COLQ: variants seen among roughly 807,000 people sequenced by gnomAD.
COLQ encodes collagen like tail subunit of asymmetric acetylcholinesterase, also known as acetylcholinesterase collagenic tail peptide.
In COLQ, 48 loss-of-function variants were observed where a neutral mutation model predicts 69.0. That is an observed-to-expected ratio of 0.70 (90% CI 0.55 to 0.88). The LOEUF is 0.88. COLQ is among the 40% of genes least tolerant of loss of function. The pLI is 0.00. For missense variants in COLQ, 618 were observed against 594.6 expected (o/e 1.04, Z -0.41); for synonymous variants, 217 against 211.2 (o/e 1.03, Z -0.24).
At chr3:15,464,204 GAGAA>G (rs2062163705) in intron 12 of COLQ, among the ~76,000 whole-genome samples, 1 of 152,284 alleles carries the variant, frequency 6.6e-6, no homozygotes, top group Admixed American at 6.5e-5. Context: ...CTTGTATCCT[GAGAA>G]AGAGACAGGT....
intron 3 of COLQ, among the ~76,000 whole-genome samples, chr3:15,481,154 G>T (rs1012246670): frequency 6.6e-6 from 1 of 152,182 alleles, no homozygotes; most frequent in African/African-American, 2.4e-5. Flanking sequence ...TCTGTAGGTT[G>T]CCTGTTCACT....
In COLQ at chr3:15,451,210, T is replaced by C. The variant is rs2061937114; in HGVS notation, c.*434A>G. On this transcript the variant is annotated 3_prime_UTR_variant, in exon 17 of 17. Coordinates refer to ENST00000383788, the MANE Select transcript of COLQ (RefSeq NM_005677.4). The stretch of plus-strand genomic sequence containing the variant: ...GCGGGCTGCCCAGTGTGAGTGAGAA[T>C]GCCTGCACGTTTCGGTGGTCAGGGG... 1 of 259,838 alleles carries C rather than the reference T, an allele frequency of 3.8e-6. No individual in the cohort carries two copies. Among genetic ancestry groups the C allele is most frequent in the African/African-American group, 2.2e-5 (1 of 45,558 alleles). The allele number at this position is 259,838 out of a possible 1,614,324, so 16.1% of individuals were successfully genotyped here. A position where few individuals can be genotyped will look rare whatever the true frequency, so the allele number is the denominator to read the frequency against.
intron 12 of COLQ, among the ~76,000 whole-genome samples, chr3:15,460,399 A>T (rs2062094782): frequency 6.6e-6 from 1 of 152,228 alleles, no homozygotes; most frequent in South Asian, 2.1e-4. Flanking sequence ...GGGGACTGAG[A>T]AGAGAAATAG....
chr3:15,458,300 C>T lies in COLQ; in HGVS notation c.840G>A (p.Gly280=). Residue 280 remains glycine, a synonymous_variant, in exon 13 of 17, where the codon GGG becomes GGA. Coordinates refer to ENST00000383788, the MANE Select transcript of COLQ (RefSeq NM_005677.4). The part of the protein sequence containing the change: ...PAGQLIMGPK[G]ERGFPGPPGR... ...CTGGAGGCCCGGGAAATCCTCTTTC[C>T]CCTTTGGGTCCCATTATAAGTTGTC... The T allele has an allele frequency of 1.9e-6, 3 of 1,614,128 alleles. No individual in the cohort carries two copies. Among genetic ancestry groups the T allele is most frequent in the South Asian group, 1.1e-5 (1 of 91,078 alleles).
chr3:15,504,040 C>A (rs955946345), intron 1 of COLQ, among the ~76,000 whole-genome samples: 1 of 151,730 alleles, frequency 6.6e-6, no homozygotes, highest in Non-Finnish European at 1.5e-5. Context: ...TCTGATTATC[C>A]CGACCACAGA....
intron 10 of COLQ, among the ~76,000 whole-genome samples, chr3:15,470,982 G>A: frequency 6.6e-6 from 1 of 152,186 alleles, no homozygotes; most frequent in East Asian, 1.9e-4. Flanking sequence ...CAAGCTGTCT[G>A]GGAAAACGCT....
At chr3:15,487,463 C>A (rs1177118721) in intron 3 of COLQ, among the ~76,000 whole-genome samples, 1 of 152,134 alleles carries the variant, frequency 6.6e-6, no homozygotes, top group Non-Finnish European at 1.5e-5. Context: ...TCCAGGTGAG[C>A]CTTCAAGTGT....
rs1205322432 is a variant in COLQ, at chr3:15,521,418, C to G, written c.106+102G>C. On this transcript the variant is annotated intron_variant, in intron 1 of 16. Transcript: ENST00000383788. ...CTTCCTTCCAACCTCCCTCCACCAA[C>G]AGTTGAATGGCAAAAACATCAGGAC... The G allele has an allele frequency of 1.3e-5, 19 of 1,487,036 alleles. No homozygotes were observed. The East Asian group carries it at 4.1e-4, about 32-fold the overall frequency. The allele number at this position is 1,487,036 out of a possible 1,614,324, so 92.1% of individuals were successfully genotyped here.
intron 1 of COLQ, among the ~76,000 whole-genome samples, chr3:15,509,550 T>C (rs2062955909): frequency 6.6e-6 from 1 of 152,176 alleles, no homozygotes; most frequent in Admixed American, 6.5e-5. Flanking sequence ...GGCTAAGGTG[T>C]TGTTATCAGG....
chr3:15,453,811 G>A lies in COLQ; in HGVS notation c.1298+18C>T. ...GGGAGAAAGAAGGGGGAGAGGGAGGGAGGGGAGTCATCCCTACCCAGGGAG... is the reference window on the plus strand; with the variant it reads ...GGGAGAAAGAAGGGGGAGAGGGAGGAAGGGGAGTCATCCCTACCCAGGGAG... On this transcript the variant is annotated intron_variant, in intron 16 of 16. Coordinates refer to ENST00000383788, the MANE Select transcript of COLQ (RefSeq NM_005677.4). The A allele has an allele frequency of 1.3e-6, 2 of 1,494,316 alleles. No homozygotes were observed. Among genetic ancestry groups the A allele is most frequent in the South Asian group, 1.2e-5 (1 of 86,314 alleles). 92.6% of individuals were successfully genotyped at this position (1,494,316 alleles called of 1,614,324 possible).
chr3:15,464,076 T>G (rs1448445910), intron 12 of COLQ, among the ~76,000 whole-genome samples: 1 of 152,220 alleles, frequency 6.6e-6, no homozygotes, highest in Non-Finnish European at 1.5e-5. Context: ...CTTTCTGCCT[T>G]CTGTTCTCTG....
chr3:15,466,169 T>C (rs1183235993), intron 12 of COLQ, among the ~76,000 whole-genome samples, 172 bp downstream of exon 12: 1 of 152,280 alleles, frequency 6.6e-6, no homozygotes, highest in Non-Finnish European at 1.5e-5. Context: ...TTTATCTCTC[T>C]TGCATAAAAG....
chr3:15,488,570 T>C (rs1036788287), intron 2 of COLQ, among the ~76,000 whole-genome samples: 1 of 152,156 alleles, frequency 6.6e-6, no homozygotes, highest in Admixed American at 6.5e-5. Flanking sequence ...CAGGGGCCTC[T>C]ATCCAATGTG....
At chr3:15,517,481 G>C (rs2063078534) in intron 1 of COLQ, among the ~76,000 whole-genome samples, 1 of 152,166 alleles carries the variant, frequency 6.6e-6, no homozygotes, top group African/African-American at 2.4e-5. Context: ...CTTTGTGTCT[G>C]TGCCTCCACA....
chr3:15,517,736 A>AT (rs552622597), intron 1 of COLQ, among the ~76,000 whole-genome samples: 132 of 152,338 alleles, frequency 8.7e-4, no homozygotes, highest in African/African-American at 3.2e-3. Context: ...GAATCTTGGC[A>AT]TTTTTAATAA....
intron 1 of COLQ, chr3:15,498,816 A>C: frequency 6.8e-7 from 1 of 1,467,788 alleles, no homozygotes; most frequent in Non-Finnish European, 9.0e-7. Flanking sequence ...CTGCCCATGA[A>C]CACTGCTGTA....
intron 1 of COLQ, among the ~76,000 whole-genome samples, chr3:15,517,397 C>T (rs2063077363): frequency 6.6e-6 from 1 of 152,144 alleles, no homozygotes; most frequent in Non-Finnish European, 1.5e-5. Flanking sequence ...TGGTGCTGCC[C>T]CCATTCAGGA....
At chr3:15,482,942 G>A (rs1010524629) in intron 3 of COLQ, among the ~76,000 whole-genome samples, 9 of 152,000 alleles carry the variant, frequency 5.9e-5, no homozygotes, top group Non-Finnish European at 8.8e-5. Context: ...GTCTTGGGAG[G>A]GTGTATGTGT....
chr3:15,460,968 T>G (rs553978383), intron 12 of COLQ, among the ~76,000 whole-genome samples: 7 of 152,232 alleles, frequency 4.6e-5, no homozygotes, highest in African/African-American at 1.4e-4. Flanking sequence ...GTTTGTCCCA[T>G]TAGCTGCTGA....
Sources: gnomAD v4.1 joint callset for allele counts (sites outside exome capture counted in the v4.1 genomes callset) on GRCh38, gnomAD v4.1.1 for gene constraint, MANE v1.5 for transcripts, NCBI Gene and HGNC (gene_info 2026-07-23, HGNC 2026-07-21) for gene names.